Variants in MRPS35 observed in about 807,000 individuals in gnomAD.
The protein encoded by MRPS35 is small ribosomal subunit protein mS35.
A neutral mutation model predicts 32.7 loss-of-function variants in MRPS35; 29 were observed. That is an observed-to-expected ratio of 0.89 (90% CI 0.66 to 1.21). The LOEUF is 1.21. MRPS35 is among the 50% of genes most tolerant of loss of function. MRPS35 has a pLI of 0.00. For synonymous variants in MRPS35, 148 were observed against 139.3 expected, an observed-to-expected ratio of 1.06 and a Z score of -0.44; for missense variants, 373 against 383.8, an observed-to-expected ratio of 0.97 and a Z score of 0.23.
chr12:27,719,036 G>A (rs2061862201), intron 3 of MRPS35, among the ~76,000 whole-genome samples: 2 of 152,136 alleles, frequency 1.3e-5, no homozygotes, highest in African/African-American at 4.8e-5. Flanking sequence ...GCAGTGAGCT[G>A]AGATTGTGCC....
At chr12:27,734,042 G>A (rs925893731) in intron 5 of MRPS35, among the ~76,000 whole-genome samples, 1 of 152,126 alleles carries the variant, frequency 6.6e-6, no homozygotes, top group Non-Finnish European at 1.5e-5. Flanking sequence ...AAATAAATAG[G>A]CTACTATACT....
At chr12:27,732,656 A>G (rs544228400) in intron 5 of MRPS35, among the ~76,000 whole-genome samples, 1 of 152,056 alleles carries the variant, frequency 6.6e-6, no homozygotes, top group East Asian at 1.9e-4. Flanking sequence ...TAATGCACAG[A>G]AAAAAAAATT....
At chr12:27,748,079 C>T (rs555360925) in intron 7 of MRPS35, among the ~76,000 whole-genome samples, 21 of 152,276 alleles carry the variant, frequency 1.4e-4, no homozygotes, top group Admixed American at 4.6e-4. Flanking sequence ...GTGAGTGTTC[C>T]AACAGTTTTT....
At chr12:27,716,947 C>T (rs1446429183) in intron 3 of MRPS35, among the ~76,000 whole-genome samples, 4 of 152,006 alleles carry the variant, frequency 2.6e-5, no homozygotes, top group African/African-American at 2.4e-5. Context: ...GCCGAGATGG[C>T]GCCACTGCAC....
chr12:27,732,637 CA>C (rs1051280299), intron 5 of MRPS35, among the ~76,000 whole-genome samples: 2 of 152,032 alleles, frequency 1.3e-5, no homozygotes, highest in African/African-American at 4.8e-5. Context: ...TGGACATACT[CA>C]AATGTTTTAA....
At chr12:27,724,215 A>T (rs758390137) in intron 5 of MRPS35, 29 bp downstream of exon 5, 128 of 1,433,076 alleles carry the variant, frequency 8.9e-5, no homozygotes, top group South Asian at 2.6e-4. Context: ...TTTTTTTTTT[A>T]AATAAGAATC....
rs1216104963 is a variant in MRPS35 at position 27,719,956 on chromosome 12, A to G, written c.382+88A>G. On this transcript the variant is annotated intron_variant, in intron 4 of 7. Transcript: ENST00000081029. Reference sequence around the variant, plus strand: ...GTTCTGATATACTGTATAGCCTTATATTCAAGTTGTTTTCAGTGAATTGTT... The same window carrying G: ...GTTCTGATATACTGTATAGCCTTATGTTCAAGTTGTTTTCAGTGAATTGTT... The G allele has an allele frequency of 3.7e-5, 36 of 980,936 alleles. No homozygotes were observed. In the East Asian group the frequency reaches 8.8e-4, roughly 24 times the overall value. The allele number at this position is 980,936 out of a possible 1,614,324, so 60.8% of individuals were successfully genotyped here.
intron 5 of MRPS35, among the ~76,000 whole-genome samples, chr12:27,726,875 C>T (rs2140763621): frequency 6.6e-6 from 1 of 151,754 alleles, no homozygotes; most frequent in Non-Finnish European, 1.5e-5. Context: ...ATTCTGGACA[C>T]CAGTCCCAGT....
intron 3 of MRPS35, 103 bp from the exon 4 acceptor site, chr12:27,719,705 C>T: frequency 4.6e-6 from 3 of 655,180 alleles, no homozygotes; most frequent in African/African-American, 3.7e-5. Context: ...ATTTTATTTA[C>T]TACATGTTTT....
At chr12:27,714,925 G>C in intron 2 of MRPS35, 105 bp downstream of exon 2, 2 of 980,476 alleles carry the variant, frequency 2.0e-6, no homozygotes, top group Non-Finnish European at 3.1e-6. Flanking sequence ...GACTTCACAA[G>C]GTCATGTTTA....
chr12:27,745,998 C>T (rs964272715), intron 7 of MRPS35, among the ~76,000 whole-genome samples: 3 of 152,146 alleles, frequency 2.0e-5, no homozygotes, highest in African/African-American at 7.2e-5. Context: ...CAAGTCTTTG[C>T]TATTGTGAAT....
At chr12:27,726,125 A>G (rs1214564342) in intron 5 of MRPS35, among the ~76,000 whole-genome samples, 1 of 151,936 alleles carries the variant, frequency 6.6e-6, no homozygotes, top group Non-Finnish European at 1.5e-5. Flanking sequence ...TTTCTTTTTA[A>G]TAATGGCTTT....
Position 27,710,875 on chromosome 12 carries a change from C to G in MRPS35, c.32C>G (p.Ser11Cys), listed in dbSNP as rs376834881. The G allele has an allele frequency of 6.2e-6, 10 of 1,611,198 alleles. No homozygotes were observed. The African/African-American group carries it at 6.7e-5, about 11-fold the overall frequency. ...GCCGCCGCGCTCCCAGCATGGCTGT[C>G]TCTGCAGTCGAGGGCAAGGACTCTG... MAAAALPAWL[S>C]LQSRARTLRA... The change falls in exon 1 of 8, where the codon TCT becomes TGT. Residue 11 changes from serine (S) to cysteine (C), a missense_variant. By Grantham distance (112) the Ser-to-Cys change is moderately radical (BLOSUM62 -1). Coordinates refer to ENST00000081029, the MANE Select transcript of MRPS35 (RefSeq NM_021821.4).
intron 5 of MRPS35, among the ~76,000 whole-genome samples, chr12:27,728,511 A>G (rs1273730344): frequency 6.6e-6 from 1 of 152,170 alleles, no homozygotes; most frequent in South Asian, 2.1e-4. Context: ...TTTAATTCCA[A>G]TACTATTACC....
At chr12:27,727,743 C>A (rs191914284) in intron 5 of MRPS35, among the ~76,000 whole-genome samples, 1 of 152,086 alleles carries the variant, frequency 6.6e-6, no homozygotes, top group African/African-American at 2.4e-5. Context: ...TTAGCTCTTA[C>A]ATTTAGATCT....
intron 6 of MRPS35, 104 bp downstream of exon 6, chr12:27,735,660 G>A (rs568460172): frequency 2.6e-4 from 211 of 804,448 alleles, no homozygotes; most frequent in South Asian, 2.5e-3. Context: ...ATGGGGGAGG[G>A]CGTAGCCTTT....
rs776069957 is a variant in MRPS35 at position 27,724,156 on chromosome 12, G to C, written c.492G>C (p.Arg164=). 1 of 1,602,350 alleles carries C rather than the reference G, an allele frequency of 6.2e-7. No individual in the cohort carries two copies. The highest frequency in any genetic ancestry group is 1.1e-5 in the South Asian group (1 of 88,750). The change falls in exon 5 of 8, where the codon CGG becomes CGC. Residue 164 remains arginine, a synonymous_variant. Transcript: ENST00000081029. ...TDYVSSGPSV[R]NPRARVVVLR... ...ATGTTTCATCAGGACCATCTGTTCG[G>C]AACCCCAGAGCACGAGTAGTAGTCT...
intron 7 of MRPS35, 61 bp downstream of exon 7, chr12:27,737,669 A>G: frequency 7.5e-7 from 1 of 1,340,830 alleles, no homozygotes; most frequent in East Asian, 2.3e-5. Context: ...TTAACCTTTC[A>G]AAATACTCTT....
At chr12:27,727,147 A>G (rs1301986740) in intron 5 of MRPS35, among the ~76,000 whole-genome samples, 1 of 151,904 alleles carries the variant, frequency 6.6e-6, no homozygotes, top group South Asian at 2.1e-4. Flanking sequence ...TTTTTAGTAG[A>G]GATGGGGTTT....
Sources: gnomAD v4.1 joint callset for allele counts (sites outside exome capture counted in the v4.1 genomes callset) on GRCh38, gnomAD v4.1.1 for gene constraint, MANE v1.5 for transcripts, NCBI Gene and HGNC (gene_info 2026-07-23, HGNC 2026-07-21) for gene names.